DLG2: variants seen among roughly 807,000 people sequenced by gnomAD.
The protein encoded by DLG2 is disks large homolog 2.
DLG2 carries 45 observed loss-of-function variants against 132.5 expected under a neutral mutation model. The observed-to-expected ratio is 0.34, with a 90% CI of 0.27 to 0.44. The LOEUF (loss-of-function observed/expected upper bound fraction) is 0.44, where lower values mean the gene tolerates loss of function less well. Among genes scored for constraint, DLG2 ranks in the 20% least tolerant of loss-of-function variants. DLG2 has a pLI of 1.00. For missense variants in DLG2, 1,045 were observed against 1,196.9 expected (o/e 0.87, Z 1.87); for synonymous variants, 424 against 419.6 (o/e 1.01, Z -0.13).
chr11:85,038,351 T>G (rs919581695), intron 6 of DLG2, among the ~76,000 whole-genome samples: 1 of 152,038 alleles, frequency 6.6e-6, no homozygotes. Flanking sequence ...AGAAAAAAAG[T>G]TTTACTTAAA....
chr11:83,704,654 T>TA (rs769615246), intron 18 of DLG2, among the ~76,000 whole-genome samples: 27,262 of 105,816 alleles, frequency 0.26, 3,395 homozygotes, highest in African/African-American at 0.36. Flanking sequence ...CCGTCTCTAC[T>TA]AAAAAAAAAA....
At chr11:85,357,160 G>A (rs982930238) in intron 3 of DLG2, among the ~76,000 whole-genome samples, 2 of 151,662 alleles carry the variant, frequency 1.3e-5, no homozygotes, top group Admixed American at 6.6e-5. Context: ...AGAGCAGCCT[G>A]CATTTCCTTT....
In DLG2 at chr11:85,605,988, A is replaced by T. The variant is rs7102274; in HGVS notation, c.-92-7200T>A. Among the ~76,000 whole-genome samples the T allele has an allele frequency of 5.3e-3, 804 of 152,302 alleles. 8 individuals are homozygous for T. Among genetic ancestry groups the T allele is most frequent in the African/African-American group, 0.018 (747 of 41,574 alleles). On this transcript the variant is annotated intron_variant, in intron 2 of 27. Transcript: ENST00000376104. ...CAGAGATTCTGTCTCAAAGAAAAAA[A>T]AAAAGAATGGTATCATAAGGTACCA...
intron 3 of DLG2, among the ~76,000 whole-genome samples, chr11:85,439,326 T>G (rs1461591423): frequency 6.6e-6 from 1 of 151,998 alleles, no homozygotes; most frequent in Non-Finnish European, 1.5e-5. Context: ...GGCAAGCTAC[T>G]TTATTACTTT....
chr11:85,427,366 C>A (rs1362398328), intron 3 of DLG2, among the ~76,000 whole-genome samples: 6 of 152,180 alleles, frequency 3.9e-5, no homozygotes, highest in Non-Finnish European at 8.8e-5. Flanking sequence ...ATGTTAAGGG[C>A]AGCCAGAGAG....
intron 3 of DLG2, among the ~76,000 whole-genome samples, chr11:85,520,125 C>G (rs1447576788): frequency 6.6e-6 from 1 of 152,056 alleles, no homozygotes; most frequent in Non-Finnish European, 1.5e-5. Flanking sequence ...AGCAATCACC[C>G]CATCTCAGCT....
At chr11:83,826,310 C>T (rs2052766437) in intron 17 of DLG2, among the ~76,000 whole-genome samples, 2 of 152,268 alleles carry the variant, frequency 1.3e-5, no homozygotes, top group Admixed American at 1.3e-4. Context: ...GCTCTGAAGC[C>T]AAGGCTGAGC....
At chr11:84,500,039 T>C (rs961184727) in intron 7 of DLG2, among the ~76,000 whole-genome samples, 3 of 151,516 alleles carry the variant, frequency 2.0e-5, no homozygotes, top group African/African-American at 4.9e-5. Context: ...ATGAAAAAAA[T>C]AGACAAGATC....
At chr11:83,988,225 T>C (rs531965303) in intron 11 of DLG2, among the ~76,000 whole-genome samples, 223 of 152,296 alleles carry the variant, frequency 1.5e-3, no homozygotes, top group Middle Eastern at 3.4e-3. Flanking sequence ...ATGTCCTGAA[T>C]GGTATTTCTT....
At chr11:85,608,810 T>C (rs2080780463) in intron 2 of DLG2, among the ~76,000 whole-genome samples, 1 of 152,178 alleles carries the variant, frequency 6.6e-6, no homozygotes, top group South Asian at 2.1e-4. Flanking sequence ...TACATAGATG[T>C]CCTACAGGGT....
At chr11:85,346,290 C>A (rs1052024933) in intron 3 of DLG2, among the ~76,000 whole-genome samples, 3 of 151,740 alleles carry the variant, frequency 2.0e-5, no homozygotes, top group Non-Finnish European at 4.4e-5. Context: ...TGGGTTCACG[C>A]CATTCTCCTG....
At chr11:84,226,660 T>C (rs2154332009) in intron 8 of DLG2, among the ~76,000 whole-genome samples, 1 of 152,340 alleles carries the variant, frequency 6.6e-6, no homozygotes, top group East Asian at 1.9e-4. Flanking sequence ...TTAATCCTTT[T>C]AACTATCAAA....
chr11:85,020,687 T>G, intron 6 of DLG2: 1 of 470,390 alleles, frequency 2.1e-6, no homozygotes, highest in Non-Finnish European at 4.1e-6. Flanking sequence ...ATTCCCTATT[T>G]AATAAATGGT....
intron 6 of DLG2, among the ~76,000 whole-genome samples, chr11:84,608,736 G>A (rs759930226): frequency 2.9e-4 from 44 of 152,118 alleles, no homozygotes; most frequent in Non-Finnish European, 2.8e-4. Flanking sequence ...TGAGATAACC[G>A]TTTTCTAGAG....
chr11:85,244,372 T>C (rs186472816), intron 4 of DLG2, among the ~76,000 whole-genome samples: 1 of 152,122 alleles, frequency 6.6e-6, no homozygotes, highest in African/African-American at 2.4e-5. Context: ...ATTTATACTT[T>C]AACAACAGCA....
At chr11:84,401,682 T>G (rs1295359245) in intron 7 of DLG2, among the ~76,000 whole-genome samples, 1 of 152,140 alleles carries the variant, frequency 6.6e-6, no homozygotes, top group Non-Finnish European at 1.5e-5. Context: ...CTAAATAACT[T>G]TACTACACTC....
At chr11:83,517,328 G>A (rs1168206702) in intron 21 of DLG2, among the ~76,000 whole-genome samples, 1 of 152,124 alleles carries the variant, frequency 6.6e-6, no homozygotes, top group Non-Finnish European at 1.5e-5. Context: ...ACTGAGGCTT[G>A]TGCATTCGTC....
chr11:85,390,441 C>T (rs77214975), intron 3 of DLG2, among the ~76,000 whole-genome samples: 1 of 151,940 alleles, frequency 6.6e-6, no homozygotes, highest in Non-Finnish European at 1.5e-5. Flanking sequence ...ACAAGACAGG[C>T]TATCAAGGGA....
intron 3 of DLG2, among the ~76,000 whole-genome samples, chr11:85,531,960 G>T (rs752199189): frequency 6.6e-5 from 10 of 152,186 alleles, no homozygotes; most frequent in Non-Finnish European, 1.3e-4. Flanking sequence ...AATTTTGAGA[G>T]ACCCAGGATA....
Sources: gnomAD v4.1 joint callset for allele counts (sites outside exome capture counted in the v4.1 genomes callset) on GRCh38, gnomAD v4.1.1 for gene constraint, MANE v1.5 for transcripts, NCBI Gene and HGNC (gene_info 2026-07-23, HGNC 2026-07-21) for gene names.